The following TBC1D21 variants were observed in gnomAD, a reference collection of about 807,000 sequenced individuals.
The protein encoded by TBC1D21 is male germ cell Rab GTPase-activating protein.
A neutral mutation model predicts 46.0 loss-of-function variants in TBC1D21; 38 were observed. The observed-to-expected ratio is 0.83, with a 90% confidence interval of 0.64 to 1.08. The LOEUF is 1.08. TBC1D21 is among the 50% of genes least tolerant of loss of function. TBC1D21 has a pLI of 0.00. For missense variants in TBC1D21, 415 were observed against 417.9 expected (o/e 0.99, Z 0.06); for synonymous variants, 151 against 157.2 (o/e 0.96, Z 0.29).
chr15:73,898,023 T>TCATCATGGCCCG, the TBC1D21 span, among the ~76,000 whole-genome samples: 12 of 152,270 alleles, frequency 7.9e-5, no homozygotes, highest in East Asian at 2.3e-3. Context: ...TGAGTGGTCA[T>TCATCATGGCCCG]CATCATGGCC....
intron 1 of TBC1D21, among the ~76,000 whole-genome samples, chr15:73,880,624 A>T (rs1038125275): frequency 1.3e-5 from 2 of 152,108 alleles, no homozygotes; most frequent in African/African-American, 4.8e-5. Flanking sequence ...TACAAAAATT[A>T]GTTGGGTGTG....
At chr15:73,892,451 G>A (rs141369787), downstream of TBC1D21, among the ~76,000 whole-genome samples, 42 of 152,344 alleles carry the variant, frequency 2.8e-4, no homozygotes, top group Admixed American at 5.2e-4. Flanking sequence ...CCAAGCCAGG[G>A]CTGTGACATC....
chr15:73,873,574 C>T lies in TBC1D21; in HGVS notation c.-136C>T. 5.9e-6 allele frequency: 5 copies of T among 852,752 alleles called. No individual in the cohort carries two copies. Among genetic ancestry groups the T allele is most frequent in the Non-Finnish European group, 9.3e-6 (5 of 536,606 alleles). 52.8% of individuals were successfully genotyped at this position (852,752 alleles called of 1,614,324 possible). ...CAGGGGACTTGTGACACACTGCTGGCCGGCTCTGTTCAAGTGTGGGAGGTC... is the reference window on the plus strand; with the variant it reads ...CAGGGGACTTGTGACACACTGCTGGTCGGCTCTGTTCAAGTGTGGGAGGTC... On this transcript the variant is annotated 5_prime_UTR_variant, in exon 1 of 11. Transcript: ENST00000300504.
At chr15:73,903,798 G>A in the TBC1D21 span, among the ~76,000 whole-genome samples, 2 of 152,182 alleles carry the variant, frequency 1.3e-5, no homozygotes, top group Non-Finnish European at 2.9e-5. Context: ...GCTCTTGCCT[G>A]TAATCCCAGC....
the TBC1D21 span, among the ~76,000 whole-genome samples, chr15:73,907,148 CTCTT>C: frequency 6.6e-6 from 1 of 151,854 alleles, no homozygotes; most frequent in Non-Finnish European, 1.5e-5. Context: ...GCTCCTCCTC[CTCTT>C]TTTTTCCCCC....
chr15:73,905,537 A>T, the TBC1D21 span, among the ~76,000 whole-genome samples: 1 of 152,204 alleles, frequency 6.6e-6, no homozygotes, highest in East Asian at 1.9e-4. Context: ...TTGCTGGAAA[A>T]AAAAGAAATT....
chr15:73,874,843 G>A (rs1427780631), intron 1 of TBC1D21, among the ~76,000 whole-genome samples: 4 of 152,260 alleles, frequency 2.6e-5, no homozygotes, highest in East Asian at 1.9e-4. Context: ...TCTTCATCAC[G>A]GTGCTGTACT....
chr15:73,884,305 C>T (rs1011578586), intron 4 of TBC1D21, 60 bp downstream of exon 4: 18 of 1,453,438 alleles, frequency 1.2e-5, no homozygotes, highest in Non-Finnish European at 1.7e-5. Flanking sequence ...AACCCTGCCC[C>T]CTTCTCAGCC....
chr15:73,887,186 C>G (rs1340478008), intron 8 of TBC1D21, among the ~76,000 whole-genome samples: 1 of 152,340 alleles, frequency 6.6e-6, no homozygotes, highest in South Asian at 2.1e-4. Context: ...CAGATCTATT[C>G]CCACCTGCCT....
At chr15:73,888,321 T>C in intron 9 of TBC1D21, 109 bp from the exon 10 acceptor site, 1 of 888,028 alleles carries the variant, frequency 1.1e-6, no homozygotes, top group Admixed American at 2.1e-5. Flanking sequence ...GCGACTGCTG[T>C]GAGCAGCATC....
the TBC1D21 span, among the ~76,000 whole-genome samples, chr15:73,898,279 TTAG>T: frequency 2.6e-5 from 4 of 152,214 alleles, no homozygotes; most frequent in African/African-American, 9.6e-5. Flanking sequence ...GGGCAGGTCA[TTAG>T]GCCAGCACTC....
chr15:73,888,101 T>TA (rs1486587839), intron 9 of TBC1D21, among the ~76,000 whole-genome samples: 2 of 152,130 alleles, frequency 1.3e-5, no homozygotes, highest in African/African-American at 4.8e-5. Context: ...TCCACCATTT[T>TA]AAAAAAGCTA....
At chr15:73,886,958 C>T (rs891286142) in intron 8 of TBC1D21, among the ~76,000 whole-genome samples, 1 of 152,224 alleles carries the variant, frequency 6.6e-6, no homozygotes, top group African/African-American at 2.4e-5. Context: ...GCTGTCCCCC[C>T]AACCCTGGCC....
chr15:73,899,181 G>A, the TBC1D21 span, among the ~76,000 whole-genome samples: 2 of 152,038 alleles, frequency 1.3e-5, no homozygotes, highest in Admixed American at 6.6e-5. Context: ...AGCCGTGGCC[G>A]AGAGGTCTGA....
chr15:73,880,152 C>T (rs574314316), intron 1 of TBC1D21, among the ~76,000 whole-genome samples: 26 of 152,226 alleles, frequency 1.7e-4, no homozygotes, highest in Non-Finnish European at 3.4e-4. Context: ...GCCTTGGCCT[C>T]CCAAAGTGCT....
downstream of TBC1D21, among the ~76,000 whole-genome samples, chr15:73,889,961 T>C (rs1271178617): frequency 6.6e-6 from 1 of 152,138 alleles, no homozygotes. Context: ...TGCAGAAGGG[T>C]TGGGGCTGGC....
At chr15:73,876,206 T>TG (rs1567062268) in intron 1 of TBC1D21, among the ~76,000 whole-genome samples, 1,674 of 50,860 alleles carry the variant, frequency 0.033, 114 homozygotes, top group African/African-American at 0.13. Context: ...TGGGTTTTTT[T>TG]TTTTTTTTTT....
At chr15:73,888,582 TTCCTCCTCC>T (rs765267990) in intron 10 of TBC1D21, 69 bp downstream of exon 10, 18 of 823,914 alleles carry the variant, frequency 2.2e-5, no homozygotes, top group Middle Eastern at 3.2e-4. Context: ...CCTCCTCCTC[TTCCTCCTCC>T]TCCTCCTCCT....
chr15:73,892,833 T>A (rs1469932173), downstream of TBC1D21, among the ~76,000 whole-genome samples: 4 of 152,258 alleles, frequency 2.6e-5, no homozygotes, highest in Non-Finnish European at 5.9e-5. Context: ...TGGAAAGGAA[T>A]ACCTCAAGAA....
Sources: gnomAD v4.1 joint callset for allele counts (sites outside exome capture counted in the v4.1 genomes callset) on GRCh38, gnomAD v4.1.1 for gene constraint, MANE v1.5 for transcripts, NCBI Gene and HGNC (gene_info 2026-07-23, HGNC 2026-07-21) for gene names.